Variants in RAPGEF4 observed in about 807,000 individuals in gnomAD.
RAPGEF4 encodes the protein Rap guanine nucleotide exchange factor 4, also known as RAP guanine-nucleotide-exchange factor (GEF) 4.
RAPGEF4 carries 66 observed loss-of-function variants against 147.9 expected under a neutral mutation model. The ratio of observed to expected loss-of-function variants is 0.45; its 90% CI spans 0.37 to 0.55. The LOEUF is 0.55. RAPGEF4 is among the 20% of genes least tolerant of loss of function. RAPGEF4 has a pLI of 0.00. For missense variants in RAPGEF4, 1,071 were observed against 1,257.3 expected (o/e 0.85, Z 2.24); for synonymous variants, 419 against 442.7 (o/e 0.95, Z 0.67).
intron 4 of RAPGEF4, among the ~76,000 whole-genome samples, chr2:172,863,956 A>G (rs1694329487): frequency 6.6e-6 from 1 of 152,220 alleles, no homozygotes; most frequent in South Asian, 2.1e-4. Context: ...TAATTAAAGC[A>G]TAATAGAAGC....
At chr2:172,930,138 G>C (rs567442131) in intron 6 of RAPGEF4, among the ~76,000 whole-genome samples, 8 of 152,146 alleles carry the variant, frequency 5.3e-5, no homozygotes, top group Non-Finnish European at 5.9e-5. Flanking sequence ...GTGCTACCCA[G>C]GGGGAAGGAA....
intron 4 of RAPGEF4, among the ~76,000 whole-genome samples, chr2:172,903,561 A>C (rs1188919040): frequency 6.6e-6 from 1 of 151,990 alleles, no homozygotes. Context: ...AAAGTTTCTA[A>C]AGATGAAGAA....
In RAPGEF4 at chr2:173,026,601, T is replaced by C. The variant is rs1422189304; in HGVS notation, c.2283T>C (p.Thr761=). The change falls in exon 24 of 31, where the codon ACT becomes ACC. Residue 761 remains threonine, a synonymous_variant. Transcript: ENST00000397081. ...CCTTACCAGAACAGGAAGGCCCAAC[T>C]GTTGGAACAGTGGGAACTTTTGAAC... ...LTPLPEQEGP[T]VGTVGTFELM... is the part of the protein sequence containing the mutation. The C allele has an allele frequency of 6.2e-7, 1 of 1,613,912 alleles. No homozygotes were observed. Among genetic ancestry groups the C allele is most frequent in the Non-Finnish European group, 8.5e-7 (1 of 1,179,798 alleles).
chr2:172,787,176 C>T (rs900052206), intron 1 of RAPGEF4, among the ~76,000 whole-genome samples: 14 of 152,070 alleles, frequency 9.2e-5, no homozygotes, highest in South Asian at 4.2e-4. Context: ...TATGCCCTTG[C>T]GCTGCAGCCT....
chr2:172,741,375 C>T (rs953844933), intron 1 of RAPGEF4, among the ~76,000 whole-genome samples: 1 of 152,202 alleles, frequency 6.6e-6, no homozygotes, highest in Admixed American at 6.5e-5. Context: ...GGCAAGATGG[C>T]CACAGGCATC....
chr2:172,815,443 A>G (rs1688409460), intron 4 of RAPGEF4, among the ~76,000 whole-genome samples: 1 of 152,182 alleles, frequency 6.6e-6, no homozygotes, highest in African/African-American at 2.4e-5. Context: ...TACTTGTTTG[A>G]AATATTTCTC....
intron 10 of RAPGEF4, among the ~76,000 whole-genome samples, chr2:172,973,116 T>C (rs948949456): frequency 6.0e-5 from 9 of 149,436 alleles, no homozygotes; most frequent in Non-Finnish European, 1.2e-4. Context: ...TCTTTTTTTT[T>C]TTTTTTCTTT....
Position 173,018,584 on chromosome 2 carries a change from C to T in RAPGEF4, c.2009-72C>T, listed in dbSNP as rs899012266. On this transcript the variant is annotated intron_variant, in intron 21 of 30. Transcript: ENST00000397081. ...ATGCAAATTGGAGAGGATGCCTAAA[C>T]ATTTTTCATAACTATAGTTTTATTG... The T allele has an allele frequency of 2.0e-6, 3 of 1,497,644 alleles. No individual in the cohort carries two copies. The East Asian group carries it at 6.9e-5, about 35-fold the overall frequency. 92.8% of individuals were successfully genotyped at this position (1,497,644 alleles called of 1,614,324 possible).
chr2:172,771,615 AT>A (rs929418916), intron 1 of RAPGEF4, among the ~76,000 whole-genome samples: 46 of 151,974 alleles, frequency 3.0e-4, no homozygotes, highest in African/African-American at 1.1e-3. Context: ...TTTTATTTTT[AT>A]TTTTTTGGTA....
chr2:172,883,244 G>A (rs1032269679), intron 4 of RAPGEF4, among the ~76,000 whole-genome samples: 1 of 152,226 alleles, frequency 6.6e-6, no homozygotes, highest in Non-Finnish European at 1.5e-5. Flanking sequence ...AGAAGTCCAA[G>A]GTGGAAGGGC....
chr2:173,018,522 G>A (rs995941534), intron 21 of RAPGEF4, 134 bp from the exon 22 acceptor site: 3 of 899,212 alleles, frequency 3.3e-6, no homozygotes, highest in Non-Finnish European at 5.0e-6. Context: ...AGGGGTAAAT[G>A]AGTATGAATA....
chr2:172,855,624 G>A (rs746282271), intron 4 of RAPGEF4, among the ~76,000 whole-genome samples: 3 of 152,146 alleles, frequency 2.0e-5, no homozygotes, highest in Non-Finnish European at 4.4e-5. Context: ...GTCTGCTGGA[G>A]ATTAAGTGTC....
chr2:172,990,281 G>A (rs1439433960), intron 14 of RAPGEF4, among the ~76,000 whole-genome samples: 1 of 152,096 alleles, frequency 6.6e-6, no homozygotes, highest in East Asian at 1.9e-4. Context: ...AATCAGATTA[G>A]GACCATTATC....
chr2:172,988,539 C>T (rs896253101), intron 13 of RAPGEF4, among the ~76,000 whole-genome samples, 154 bp from the exon 14 acceptor site: 16 of 152,220 alleles, frequency 1.1e-4, no homozygotes, highest in African/African-American at 3.9e-4. Flanking sequence ...GCAAAGTGAA[C>T]ATCATAATGT....
intron 4 of RAPGEF4, among the ~76,000 whole-genome samples, chr2:172,892,955 A>G (rs1698093166): frequency 6.6e-6 from 1 of 152,240 alleles, no homozygotes; most frequent in African/African-American, 2.4e-5. Flanking sequence ...TGATAAGTAA[A>G]AGAGAAAATC....
chr2:172,892,088 G>A (rs1430107585), intron 4 of RAPGEF4, among the ~76,000 whole-genome samples: 1 of 152,102 alleles, frequency 6.6e-6, no homozygotes, highest in Admixed American at 6.5e-5. Flanking sequence ...CCTTTGCCCT[G>A]TGAATGGTGG....
chr2:172,982,139 G>C (rs59492040), intron 10 of RAPGEF4, among the ~76,000 whole-genome samples: 11,100 of 152,130 alleles, frequency 0.073, 592 homozygotes, highest in South Asian at 0.16. Flanking sequence ...ATTTTCAGAC[G>C]CTAAATCTAG....
chr2:173,051,833 C>T lies in RAPGEF4; in HGVS notation c.*66C>T. 1 of 1,554,724 alleles carries T rather than the reference C, an allele frequency of 6.4e-7. No homozygotes were observed. The highest frequency in any genetic ancestry group is 8.8e-7 in the Non-Finnish European group (1 of 1,132,696). On this transcript the variant is annotated 3_prime_UTR_variant, in exon 31 of 31. Transcript: ENST00000397081. ...CAATCTTTCAAAAATGCCATTTATG[C>T]TACTACTGACTGTATTGCCACTAGA... is the stretch of plus-strand genomic sequence containing the variant.
intron 10 of RAPGEF4, among the ~76,000 whole-genome samples, chr2:172,979,532 T>C (rs1165849092): frequency 6.6e-6 from 1 of 152,238 alleles, no homozygotes; most frequent in Non-Finnish European, 1.5e-5. Flanking sequence ...ATTAGATCAG[T>C]TGAGCAACTA....
Sources: gnomAD v4.1 joint callset for allele counts (sites outside exome capture counted in the v4.1 genomes callset) on GRCh38, gnomAD v4.1.1 for gene constraint, MANE v1.5 for transcripts, NCBI Gene and HGNC (gene_info 2026-07-23, HGNC 2026-07-21) for gene names.